The following COL4A1 variants were observed in gnomAD, a reference collection of about 807,000 sequenced individuals.
COL4A1 encodes collagen alpha-1(IV) chain.
In COL4A1, 40 loss-of-function variants were observed where a neutral mutation model predicts 216.6. That is an observed-to-expected ratio of 0.18 (90% CI 0.14 to 0.24). COL4A1 has a LOEUF of 0.24. COL4A1 is among the 10% of genes least tolerant of loss of function. The probability of loss-of-function intolerance (pLI) is 1.00; values close to 1 mark genes in which losing one functional copy is unlikely to be tolerated. For missense variants in COL4A1, 1,628 were observed against 2,196.8 expected (o/e 0.74, Z 5.18); for synonymous variants, 839 against 810.7 (o/e 1.03, Z -0.59).
intron 24 of COL4A1, among the ~76,000 whole-genome samples, chr13:110,188,033 C>T (rs7332542): frequency 0.022 from 3,298 of 152,322 alleles, 102 homozygotes; most frequent in African/African-American, 0.068. Flanking sequence ...GAGACTCACA[C>T]TAGAACGTTG....
intron 43 of COL4A1, among the ~76,000 whole-genome samples, chr13:110,167,474 C>T (rs959018279): frequency 6.6e-6 from 1 of 152,170 alleles, no homozygotes; most frequent in African/African-American, 2.4e-5. Flanking sequence ...TGTCCATCCA[C>T]AGGGGAAGCG....
rs1195400565 is a variant in COL4A1 at position 110,253,359 on chromosome 13, TA to T, written c.85-10626del. Reference sequence around the variant, plus strand: ...TATTACATATACATATAATTATATGTATTACATATACATATAATTATATGTA... The same window carrying T: ...TATTACATATACATATAATTATATGTTTACATATACATATAATTATATGTA... On this transcript the variant is annotated intron_variant, in intron 1 of 51. Coordinates refer to ENST00000375820, the MANE Select transcript of COL4A1 (RefSeq NM_001845.6). Among the ~76,000 whole-genome samples the T allele has an allele frequency of 3.7e-3, 139 of 37,976 alleles. 6 individuals carry two copies. The highest frequency in any genetic ancestry group is 5.2e-3 in the Non-Finnish European group (115 of 21,974). 24.9% of individuals were successfully genotyped at this position (37,976 alleles called of 152,430 possible).
intron 28 of COL4A1, 136 bp from the exon 29 acceptor site, chr13:110,181,525 A>C: frequency 1.1e-6 from 1 of 935,194 alleles, no homozygotes; most frequent in Non-Finnish European, 1.7e-6. Context: ...AGGCCTTCCG[A>C]GGTGGCTGGA....
At chr13:110,298,688 G>A (rs976599499) in intron 1 of COL4A1, 1 of 152,298 alleles carries the variant, frequency 6.6e-6, no homozygotes, top group Non-Finnish European at 1.5e-5. Flanking sequence ...CGGGCCTGGA[G>A]GAGGTGGGAG....
intron 2 of COL4A1, among the ~76,000 whole-genome samples, chr13:110,228,845 G>C (rs181845283): frequency 1.3e-5 from 2 of 152,314 alleles, no homozygotes; most frequent in African/African-American, 4.8e-5. Context: ...CAGATAAAAT[G>C]ATTTTAGGAA....
Position 110,186,464 on chromosome 13 carries a change from T to C in COL4A1, c.1818A>G (p.Pro606=). The C allele has an allele frequency of 6.2e-7, 1 of 1,613,622 alleles. No homozygotes were observed. Among genetic ancestry groups the C allele is most frequent in the Non-Finnish European group, 8.5e-7 (1 of 1,179,890 alleles). Residue 606 remains proline (P), a synonymous_variant, in exon 26 of 52, where the codon CCA becomes CCG. Transcript: ENST00000375820. Reference sequence around the variant, plus strand: ...CAATGGGACCAGCAGGACCATATCCTGGAGGCCCAGGGGGGCCGGTGTCAC... The same window carrying C: ...CAATGGGACCAGCAGGACCATATCCCGGAGGCCCAGGGGGGCCGGTGTCAC... The part of the protein sequence containing the change: ...SRGDTGPPGP[P]GYGPAGPIGD...
chr13:110,183,645 T>C (rs1374538440), intron 26 of COL4A1, among the ~76,000 whole-genome samples: 6 of 152,240 alleles, frequency 3.9e-5, no homozygotes, highest in Admixed American at 3.9e-4. Flanking sequence ...CTTTTGCTGT[T>C]CTCTCTCAAT....
At chr13:110,210,936 C>T (rs1197448108) in intron 8 of COL4A1, among the ~76,000 whole-genome samples, 11 of 152,134 alleles carry the variant, frequency 7.2e-5, no homozygotes. Context: ...TTTGCCGGCC[C>T]CCACAATCAT....
chr13:110,205,986 G>A (rs1467583493), intron 15 of COL4A1, among the ~76,000 whole-genome samples: 1 of 152,040 alleles, frequency 6.6e-6, no homozygotes, highest in Non-Finnish European at 1.5e-5. Flanking sequence ...TATGTAAGTT[G>A]ACAATACCAC....
Position 110,211,535 on chromosome 13 carries a change from T to G in COL4A1, c.468+112A>C. 9.8e-7 allele frequency: 1 copy of G among 1,017,322 alleles called. No individual in the cohort carries two copies. The highest frequency in any genetic ancestry group is 1.5e-5 in the South Asian group (1 of 67,340). 63.0% of individuals were successfully genotyped at this position (1,017,322 alleles called of 1,614,324 possible). ...TGTAACAGAGTTTAGGGAAGTGTGT[T>G]CAGAAACAATCGATCAGCCAAAGTG... On this transcript the variant is annotated intron_variant, in intron 8 of 51. Transcript: ENST00000375820. This position sits in a 1 kb window ranked among gnomAD's most constrained non-coding sequence, Gnocchi z 4.3.
At chr13:110,232,532 T>C (rs1881109834) in intron 2 of COL4A1, among the ~76,000 whole-genome samples, 2 of 152,224 alleles carry the variant, frequency 1.3e-5, no homozygotes, top group Non-Finnish European at 2.9e-5. Flanking sequence ...ATGTTAAGTC[T>C]TTGATCTTGA....
At chr13:110,253,308 GTATTACATATACATATAATTA>G (rs1882288016) in intron 1 of COL4A1, among the ~76,000 whole-genome samples, 3 of 99,142 alleles carry the variant, frequency 3.0e-5, no homozygotes, top group Non-Finnish European at 3.9e-5. Context: ...ATAATTATAT[GTATTACATATACATATAATTA>G]TATGTATTAC....
chr13:110,155,979 C>T (rs1876768621), intron 49 of COL4A1, among the ~76,000 whole-genome samples: 1 of 152,172 alleles, frequency 6.6e-6, no homozygotes, highest in African/African-American at 2.4e-5. Flanking sequence ...GGCAGGACTG[C>T]CTGAGGCCAG....
intron 2 of COL4A1, among the ~76,000 whole-genome samples, chr13:110,217,271 T>C (rs965074380): frequency 5.9e-5 from 9 of 152,196 alleles, no homozygotes; most frequent in African/African-American, 2.2e-4. Flanking sequence ...TCCACCAGGA[T>C]TGTAAGAAGA....
chr13:110,208,337 G>A (rs1879612891), intron 12 of COL4A1, among the ~76,000 whole-genome samples: 1 of 152,192 alleles, frequency 6.6e-6, no homozygotes, highest in Non-Finnish European at 1.5e-5. Context: ...TGAGAAGAGA[G>A]GCCGGTGGTG....
intron 20 of COL4A1, 150 bp downstream of exon 20, chr13:110,200,704 C>T: frequency 1.2e-6 from 1 of 851,344 alleles, no homozygotes; most frequent in Non-Finnish European, 1.9e-6. Context: ...AAGCACTTGT[C>T]TACTCTGCTT....
intron 1 of COL4A1, among the ~76,000 whole-genome samples, chr13:110,281,123 C>T (rs1435608495): frequency 6.6e-6 from 1 of 152,178 alleles, no homozygotes; most frequent in Non-Finnish European, 1.5e-5. Context: ...ATCTTTGACA[C>T]CATCAACTGG....
Position 110,212,412 on chromosome 13 carries a change from T to C in COL4A1, c.387+5A>G. On this transcript the variant is annotated splice_donor_5th_base_variant and intron_variant, in intron 6 of 51. Transcript: ENST00000375820. ...CAAAAAGGAGGGTCTCGGTTCTGGA[T>C]TTACCTTTGTGCCATTGCATCCTGG... 6 of 1,613,458 alleles carry C rather than the reference T, an allele frequency of 3.7e-6. No individual in the cohort carries two copies. The highest frequency in any genetic ancestry group is 5.1e-6 in the Non-Finnish European group (6 of 1,179,980).
chr13:110,252,730 A>AGTATGTATGTATTATACATATAATTATAT (rs1566416674), intron 1 of COL4A1, among the ~76,000 whole-genome samples: 6 of 48,408 alleles, frequency 1.2e-4, no homozygotes, highest in Non-Finnish European at 1.6e-4. Flanking sequence ...TATAATTATA[A>AGTATGTATGTATTATACATATAATTATAT]GTATGTATGT....
Sources: allele counts gnomAD v4.1 joint callset (sites outside exome capture counted in the v4.1 genomes callset), GRCh38; gene constraint gnomAD v4.1.1; non-coding constraint Gnocchi (gnomAD v3.1); transcripts MANE v1.5; gene names NCBI Gene and HGNC (gene_info 2026-07-23, HGNC 2026-07-21).